Variants in CHN2 observed in about 807,000 individuals in gnomAD.
CHN2 encodes the protein chimerin 2.
CHN2 carries 35 observed loss-of-function variants against 56.3 expected under a neutral mutation model. The ratio of observed to expected loss-of-function variants is 0.62; its 90% CI spans 0.47 to 0.82. The LOEUF is 0.82. Among genes scored for constraint, CHN2 ranks in the 40% least tolerant of loss-of-function variants. CHN2 has a pLI of 0.00. For synonymous variants in CHN2, 210 were observed against 212.8 expected, an observed-to-expected ratio of 0.99 and a Z score of 0.12; for missense variants, 491 against 580.5, an observed-to-expected ratio of 0.85 and a Z score of 1.58.
At chr7:29,391,772 G>A (rs183443342) in intron 3 of CHN2, among the ~76,000 whole-genome samples, 2 of 152,308 alleles carry the variant, frequency 1.3e-5, no homozygotes, top group Admixed American at 1.3e-4. Context: ...GCACCTGCAA[G>A]GTCATTACTT....
At chr7:29,151,423 A>G (rs1793578916) in intron 2 of CHN2, among the ~76,000 whole-genome samples, 1 of 152,186 alleles carries the variant, frequency 6.6e-6, no homozygotes, top group Admixed American at 6.5e-5. Flanking sequence ...CCCTTCGGCT[A>G]TGGAAAAAGC....
rs538244613 is a variant in CHN2 at position 29,501,803 on chromosome 7, ATTG to A, written c.913+1766_913+1768del. On this transcript the variant is annotated intron_variant, in intron 9 of 12. Transcript: ENST00000222792. ...TGTCTTCCATCCATAAAAAATCCTT[ATTG>A]TTCTCCAAATGTTCTTTTATGTTCA... Among the ~76,000 whole-genome samples the A allele has an allele frequency of 2.6e-5, 4 of 152,164 alleles. No homozygotes were observed. The South Asian group carries it at 8.3e-4, about 32-fold the overall frequency.
chr7:29,316,439 G>C (rs1210534165), intron 1 of CHN2, among the ~76,000 whole-genome samples: 2 of 152,114 alleles, frequency 1.3e-5, no homozygotes, highest in Non-Finnish European at 2.9e-5. Flanking sequence ...GTTGATTATA[G>C]TGCATTTTAC....
At chr7:29,506,642 C>T (rs1189821974) in intron 10 of CHN2, among the ~76,000 whole-genome samples, 3 of 151,952 alleles carry the variant, frequency 2.0e-5, no homozygotes, top group African/African-American at 7.3e-5. Context: ...GTCTCACACA[C>T]ACAAAAAAGA....
At chr7:29,189,677 C>T (rs1365541493) in intron 2 of CHN2, among the ~76,000 whole-genome samples, 1 of 152,132 alleles carries the variant, frequency 6.6e-6, no homozygotes, top group African/African-American at 2.4e-5. Flanking sequence ...CTCTCTCTCT[C>T]TCGGCCCCCC....
intron 12 of CHN2, among the ~76,000 whole-genome samples, chr7:29,510,021 A>G (rs1045605420): frequency 6.6e-6 from 1 of 152,034 alleles, no homozygotes. Context: ...TTCATCTGAC[A>G]CAAGCCCTGT....
intron 1 of CHN2, among the ~76,000 whole-genome samples, chr7:29,298,213 C>T (rs1026988160): frequency 1.3e-5 from 2 of 152,200 alleles, no homozygotes; most frequent in African/African-American, 4.8e-5. Flanking sequence ...GTAGCACCAC[C>T]CTTATTTATG....
chr7:29,387,340 A>G (rs1198952391), intron 3 of CHN2, among the ~76,000 whole-genome samples: 2 of 152,244 alleles, frequency 1.3e-5, no homozygotes, highest in African/African-American at 4.8e-5. Flanking sequence ...TAATCTACTC[A>G]GAGTCCCACA....
At chr7:29,222,161 G>A (rs931571082) in intron 1 of CHN2, among the ~76,000 whole-genome samples, 3 of 152,176 alleles carry the variant, frequency 2.0e-5, no homozygotes, top group Admixed American at 1.3e-4. Flanking sequence ...CAAGGGAAGT[G>A]AAGGACCTCT....
intron 3 of CHN2, among the ~76,000 whole-genome samples, chr7:29,375,134 C>G (rs945188523): frequency 6.6e-6 from 1 of 151,032 alleles, no homozygotes; most frequent in Non-Finnish European, 1.5e-5. Flanking sequence ...AGGTGATCCA[C>G]CCGCCTCAGC....
intron 1 of CHN2, among the ~76,000 whole-genome samples, chr7:29,331,338 A>G (rs1346466745): frequency 2.0e-5 from 3 of 152,124 alleles, no homozygotes; most frequent in Non-Finnish European, 2.9e-5. Context: ...GCCATTCCCA[A>G]CCCCGGGTCT....
At chr7:29,178,366 C>A (rs976240030) in intron 2 of CHN2, among the ~76,000 whole-genome samples, 5 of 152,332 alleles carry the variant, frequency 3.3e-5, no homozygotes, top group Admixed American at 3.3e-4. Flanking sequence ...TACTCAGCCT[C>A]TGACCTGGTC....
chr7:29,324,761 G>A (rs1795674953), intron 1 of CHN2, among the ~76,000 whole-genome samples: 1 of 151,806 alleles, frequency 6.6e-6, no homozygotes, highest in Admixed American at 6.6e-5. Flanking sequence ...CAAGCTTCTG[G>A]GCATTTATTC....
chr7:29,258,867 TC>T (rs1789295441), intron 1 of CHN2, among the ~76,000 whole-genome samples: 1 of 152,206 alleles, frequency 6.6e-6, no homozygotes, highest in Non-Finnish European at 1.5e-5. Flanking sequence ...CCCACTTCCA[TC>T]TTTCTATCTT....
At chr7:29,368,693 G>A (rs544705774) in intron 3 of CHN2, among the ~76,000 whole-genome samples, 1 of 152,258 alleles carries the variant, frequency 6.6e-6, no homozygotes, top group Admixed American at 6.5e-5. Context: ...AAGGGGGAAA[G>A]GCTCCAATTC....
At position 29,195,629 on chromosome 7, in the gene CHN2, AGTGTGT is replaced by A. The variant is rs70980513; in HGVS notation, c.49+655_49+660del. Among the ~76,000 whole-genome samples the A allele has an allele frequency of 4.3e-3, 510 of 117,502 alleles. 7 individuals carry two copies. The highest frequency in any genetic ancestry group is 0.032 in the East Asian group (85 of 2,634). The allele number at this position is 117,502 out of a possible 152,430, so 77.1% of individuals were successfully genotyped here. On this transcript the variant is annotated intron_variant, in intron 1 of 12. Coordinates refer to ENST00000222792, the MANE Select transcript of CHN2 (RefSeq NM_004067.4). ...GAGAGAGAGAGAGAGAGAGAGAGAG[AGTGTGT>A]GTGTGTGTGTGTGTGAGAGAGAGAG...
At chr7:29,494,516 G>A (rs1789027432) in intron 7 of CHN2, among the ~76,000 whole-genome samples, 1 of 152,086 alleles carries the variant, frequency 6.6e-6, no homozygotes, top group African/African-American at 2.4e-5. Context: ...ATTTGGCCCT[G>A]TAAGTCCTTC....
chr7:29,194,927 G>A lies in CHN2; in HGVS notation c.-15G>A, dbSNP rs182781974. On this transcript the variant is annotated 5_prime_UTR_variant, in exon 1 of 13. Transcript: ENST00000222792. Reference sequence around the variant, plus strand: ...ACCGGGGCTGAGCGAGCAGCGACGCGAGGGGCGCGCGGAGATGGCAGCGTC... The same window carrying A: ...ACCGGGGCTGAGCGAGCAGCGACGCAAGGGGCGCGCGGAGATGGCAGCGTC... 2,624 of 1,559,082 alleles carry A rather than the reference G, an allele frequency of 1.7e-3. 76 individuals carry two copies. The Admixed American group carries it at 0.042, about 25-fold the overall frequency.
chr7:29,182,974 C>G (rs1435668799), intron 2 of CHN2, among the ~76,000 whole-genome samples: 3 of 151,846 alleles, frequency 2.0e-5, no homozygotes, highest in Non-Finnish European at 4.4e-5. Context: ...AGGAAAGATT[C>G]TTGGGTTAAA....
Sources: gnomAD v4.1 joint callset for allele counts (sites outside exome capture counted in the v4.1 genomes callset) on GRCh38, gnomAD v4.1.1 for gene constraint, MANE v1.5 for transcripts, NCBI Gene and HGNC (gene_info 2026-07-23, HGNC 2026-07-21) for gene names.